The following HS2ST1 variants were observed in gnomAD, a reference collection of about 807,000 sequenced individuals.
The protein encoded by HS2ST1 is heparan sulfate 2-O-sulfotransferase 1, also known as 2-O-sulfotransferase.
Under a neutral mutation model 42.9 loss-of-function variants are expected in HS2ST1, and 18 were observed. The ratio of observed to expected loss-of-function variants is 0.42; its 90% CI spans 0.29 to 0.62. HS2ST1 has a LOEUF of 0.62. Among genes scored for constraint, HS2ST1 ranks in the 20% least tolerant of loss-of-function variants. The pLI, the probability that HS2ST1 is intolerant of heterozygous loss-of-function variation, is 0.21. For synonymous variants in HS2ST1, 146 were observed against 152.9 expected (o/e 0.95, Z 0.33); for missense variants, 334 against 433.8 (o/e 0.77, Z 2.04).
At chr1:87,007,560 C>T (rs1432352861) in intron 1 of HS2ST1, among the ~76,000 whole-genome samples, 1 of 152,116 alleles carries the variant, frequency 6.6e-6, no homozygotes, top group East Asian at 1.9e-4. Flanking sequence ...GAGAAACCAC[C>T]TCCTGTTTCA....
chr1:87,089,704 A>G (rs1651895134), intron 3 of HS2ST1, among the ~76,000 whole-genome samples: 1 of 152,046 alleles, frequency 6.6e-6, no homozygotes, highest in Non-Finnish European at 1.5e-5. Context: ...CCTAAGTTAC[A>G]TATCATAGTT....
In HS2ST1 at chr1:87,073,037, C is replaced by A. The variant is rs1651456850; in HGVS notation, c.228C>A (p.Ile76=). ...ATLDEEEDMV[I]IYNRVPKTAS... ...TAGATGAGGAAGAGGACATGGTGAT[C>A]ATTTATAACAGAGTTCCCAAAACGG... is the stretch of plus-strand genomic sequence containing the variant. The change falls in exon 2 of 7, where the codon ATC becomes ATA. Residue 76 remains isoleucine, a synonymous_variant. Coordinates refer to ENST00000370550, the MANE Select transcript of HS2ST1 (RefSeq NM_012262.4). 1 of 1,613,960 alleles carries A rather than the reference C, an allele frequency of 6.2e-7. No homozygotes were observed. Among genetic ancestry groups the A allele is most frequent in the East Asian group, 2.2e-5 (1 of 44,854 alleles).
In HS2ST1 at chr1:86,978,897, C is replaced by G. The variant is rs1470955678; in HGVS notation, c.124+63737C>G. On this transcript the variant is annotated intron_variant, in intron 1 of 6. Transcript: ENST00000370550. ...TTTTTTTTTTTGAGACAGGCCCTCACTTTGTCACCCAGGCTGGAGTGCAGT... is the reference window on the plus strand; with the variant it reads ...TTTTTTTTTTTGAGACAGGCCCTCAGTTTGTCACCCAGGCTGGAGTGCAGT... Among the ~76,000 whole-genome samples, 4 of 114,604 alleles carry G rather than the reference C, an allele frequency of 3.5e-5. No individual in the cohort carries two copies. In the Admixed American group the frequency reaches 4.8e-4, roughly 14 times the overall value. The allele number at this position is 114,604 out of a possible 152,430, so 75.2% of individuals were successfully genotyped here.
intron 1 of HS2ST1, among the ~76,000 whole-genome samples, chr1:86,922,732 T>C (rs967727080): frequency 2.0e-5 from 3 of 152,196 alleles, no homozygotes; most frequent in African/African-American, 7.2e-5. Context: ...GCGTGTCTTT[T>C]ATTTTTCCTC....
At chr1:87,104,298 A>C (rs1021077921) in intron 6 of HS2ST1, among the ~76,000 whole-genome samples, 172 bp from the exon 7 acceptor site, 21 of 152,234 alleles carry the variant, frequency 1.4e-4, no homozygotes, top group African/African-American at 4.8e-4. Flanking sequence ...AAAGGACTGA[A>C]TCATGGCTCT....
intron 1 of HS2ST1, among the ~76,000 whole-genome samples, chr1:86,921,555 T>A (rs1660300533): frequency 6.6e-6 from 1 of 152,144 alleles, no homozygotes; most frequent in African/African-American, 2.4e-5. Flanking sequence ...TCTCCCCTCA[T>A]AACTGTATTA....
intron 1 of HS2ST1, among the ~76,000 whole-genome samples, chr1:86,970,603 A>G (rs1648202362): frequency 6.6e-6 from 1 of 152,108 alleles, no homozygotes; most frequent in Non-Finnish European, 1.5e-5. Flanking sequence ...CATGTTGGCC[A>G]GGCTGGTCTC....
intron 1 of HS2ST1, among the ~76,000 whole-genome samples, chr1:86,952,412 G>GT (rs1029252657): frequency 2.6e-5 from 4 of 151,880 alleles, no homozygotes; most frequent in African/African-American, 9.7e-5. Flanking sequence ...AAATTTTTAT[G>GT]TTTTTAGTAG....
chr1:86,988,751 A>G (rs111754092), intron 1 of HS2ST1, among the ~76,000 whole-genome samples: 13 of 152,194 alleles, frequency 8.5e-5, no homozygotes, highest in African/African-American at 3.1e-4. Context: ...ACATCAATCT[A>G]TTCAAACGGG....
intron 1 of HS2ST1, among the ~76,000 whole-genome samples, chr1:87,031,747 TCTG>T (rs1419360706): frequency 6.6e-6 from 1 of 152,190 alleles, no homozygotes; most frequent in African/African-American, 2.4e-5. Context: ...TTGTTTAAAA[TCTG>T]CTGATCTACA....
chr1:86,955,481 T>G (rs1269443991), intron 1 of HS2ST1, among the ~76,000 whole-genome samples: 1 of 152,084 alleles, frequency 6.6e-6, no homozygotes, highest in Non-Finnish European at 1.5e-5. Context: ...GGAAAAATTG[T>G]CTTCCACAAA....
intron 5 of HS2ST1, chr1:87,098,214 T>A (rs1480553420): frequency 2.0e-6 from 2 of 992,650 alleles, no homozygotes; most frequent in Non-Finnish European, 2.4e-6. Flanking sequence ...AGCAGAGCTC[T>A]TAGAGACTGG....
intron 2 of HS2ST1, among the ~76,000 whole-genome samples, chr1:87,077,183 A>T (rs933826351): frequency 1.3e-5 from 2 of 152,222 alleles, no homozygotes; most frequent in African/African-American, 4.8e-5. Flanking sequence ...CTCAGTAGGG[A>T]TATGGGAAGA....
chr1:87,083,452 C>G (rs1157639800), intron 2 of HS2ST1, among the ~76,000 whole-genome samples: 3 of 152,096 alleles, frequency 2.0e-5, no homozygotes, highest in Non-Finnish European at 4.4e-5. Context: ...AAAATGTATA[C>G]CATTTTCCAT....
At chr1:86,993,374 C>T (rs1570470474) in intron 1 of HS2ST1, among the ~76,000 whole-genome samples, 2 of 151,330 alleles carry the variant, frequency 1.3e-5, no homozygotes, top group Admixed American at 6.6e-5. Context: ...GGGCGGTGGG[C>T]GGGGGGTTGT....
At chr1:86,923,155 C>G (rs1056969103) in intron 1 of HS2ST1, among the ~76,000 whole-genome samples, 1 of 152,154 alleles carries the variant, frequency 6.6e-6, no homozygotes, top group Middle Eastern at 3.2e-3. Flanking sequence ...CCCACTCCTC[C>G]CCCTGCCCTT....
chr1:86,944,369 T>G (rs1432264441), intron 1 of HS2ST1, among the ~76,000 whole-genome samples: 2 of 152,188 alleles, frequency 1.3e-5, no homozygotes, highest in African/African-American at 4.8e-5. Context: ...TCTTTTTTAT[T>G]TTTTTGAGAC....
intron 1 of HS2ST1, among the ~76,000 whole-genome samples, chr1:87,070,873 G>A (rs2100632850): frequency 1.3e-5 from 2 of 152,104 alleles, no homozygotes; most frequent in South Asian, 4.2e-4. Context: ...GTCTCTGTCT[G>A]TGCTACATAC....
At position 87,046,692 on chromosome 1, in the gene HS2ST1, A is replaced by G. The variant is rs1414627776; in HGVS notation, c.125-26242A>G. On this transcript the variant is annotated intron_variant, in intron 1 of 6. Coordinates refer to ENST00000370550, the MANE Select transcript of HS2ST1 (RefSeq NM_012262.4). ...GGCCTGAAAGACCGGCAGGTTCTAGATGTAAAAAGCTGTGCATGTCGATTT... is the reference window on the plus strand; with the variant it reads ...GGCCTGAAAGACCGGCAGGTTCTAGGTGTAAAAAGCTGTGCATGTCGATTT... 18 of 1,340,302 alleles carry G rather than the reference A, an allele frequency of 1.3e-5. No homozygotes were observed. In the Admixed American group the frequency reaches 5.1e-4, roughly 38 times the overall value. 83.0% of individuals were successfully genotyped at this position (1,340,302 alleles called of 1,614,324 possible). A position where few individuals can be genotyped will look rare whatever the true frequency, so the allele number is the denominator to read the frequency against.
Sources: allele counts gnomAD v4.1 joint callset (sites outside exome capture counted in the v4.1 genomes callset), GRCh38; gene constraint gnomAD v4.1.1; transcripts MANE v1.5; gene names NCBI Gene and HGNC (gene_info 2026-07-23, HGNC 2026-07-21).